PPP4R2: variants seen among roughly 807,000 people sequenced by gnomAD.
PPP4R2 encodes the protein serine/threonine-protein phosphatase 4 regulatory subunit 2.
In PPP4R2, 13 loss-of-function variants were observed where a neutral mutation model predicts 47.2. The observed-to-expected ratio is 0.28, with a 90% confidence interval of 0.18 to 0.44. The LOEUF (loss-of-function observed/expected upper bound fraction) is 0.44, where lower values mean the gene tolerates loss of function less well. Among genes scored for constraint, PPP4R2 ranks in the 20% least tolerant of loss-of-function variants. PPP4R2 has a pLI of 1.00. For missense variants in PPP4R2, 421 were observed against 491.2 expected, an observed-to-expected ratio of 0.86 and a Z score of 1.35; for synonymous variants, 151 against 163.3, an observed-to-expected ratio of 0.92 and a Z score of 0.57.
Position 73,067,740 on chromosome 3 carries a change from T to C in PPP4R2, c.*2018T>C, listed in dbSNP as rs1381495547. 6.6e-6 allele frequency: 1 copy of C among 152,200 alleles called. No individual in the cohort carries two copies. The highest frequency in any genetic ancestry group is 1.5e-5 in the Non-Finnish European group (1 of 68,008). The allele number at this position is 152,200 out of a possible 1,614,324, so 9.4% of individuals were successfully genotyped here. A position where few individuals can be genotyped will look rare whatever the true frequency, so the allele number is the denominator to read the frequency against. On this transcript the variant is annotated 3_prime_UTR_variant, in exon 9 of 9. Transcript: ENST00000356692. Reference sequence around the variant, plus strand: ...AAACAAATTGATTTACTTTTGTTGGTTGTAAGTTGAAGATTTAGCATTATG... The same window carrying C: ...AAACAAATTGATTTACTTTTGTTGGCTGTAAGTTGAAGATTTAGCATTATG...
chr3:73,032,097 T>A lies in PPP4R2; in HGVS notation c.117-15089T>A, dbSNP rs9682069. ...ACCACCTGACTCTTTTTAAATTGAT[T>A]TTTTTTATTATTTAGTTTTTACTTT... On this transcript the variant is annotated intron_variant, in intron 2 of 8. Coordinates refer to ENST00000356692, the MANE Select transcript of PPP4R2 (RefSeq NM_174907.4). 5.2e-3 allele frequency among the ~76,000 whole-genome samples: 787 copies of A among 152,248 alleles called. 7 individuals carry two copies. Among genetic ancestry groups the A allele is most frequent in the African/African-American group, 0.018 (758 of 41,550 alleles).
chr3:73,037,448 G>A (rs1232357579), intron 2 of PPP4R2, among the ~76,000 whole-genome samples: 1 of 152,060 alleles, frequency 6.6e-6, no homozygotes, highest in Non-Finnish European at 1.5e-5. Flanking sequence ...ATTGTGTATT[G>A]CAGTGTTCTC....
chr3:73,039,908 G>T (rs964286339), intron 2 of PPP4R2, among the ~76,000 whole-genome samples: 1 of 152,134 alleles, frequency 6.6e-6, no homozygotes, highest in South Asian at 2.1e-4. Context: ...ACAAAAATTA[G>T]CCAGGCATGG....
chr3:73,025,490 G>A (rs544127481), intron 2 of PPP4R2, among the ~76,000 whole-genome samples: 3 of 152,160 alleles, frequency 2.0e-5, no homozygotes, highest in Non-Finnish European at 2.9e-5. Flanking sequence ...AAAAAAAGAC[G>A]TAGAACTGGT....
chr3:72,997,260 G>T (rs1559542515), intron 1 of PPP4R2, 189 bp downstream of exon 1: 3 of 430,180 alleles, frequency 7.0e-6, no homozygotes, highest in Non-Finnish European at 1.2e-5. Context: ...CCCCGCTCTG[G>T]CTTTGTGTCG....
rs989041018 is a variant in PPP4R2 at position 73,066,484 on chromosome 3, CT to C, written c.*766del. The C allele has an allele frequency of 3.3e-5, 5 of 151,870 alleles. No homozygotes were observed. Among genetic ancestry groups the C allele is most frequent in the Admixed American group, 6.6e-5 (1 of 15,234 alleles). The allele number at this position is 151,870 out of a possible 1,614,324, so 9.4% of individuals were successfully genotyped here. On this transcript the variant is annotated 3_prime_UTR_variant, in exon 9 of 9. Transcript: ENST00000356692. The stretch of plus-strand genomic sequence containing the variant: ...CAAGAGATCTGTTCAAACTCAAATT[CT>C]TTTGTATACTTCTGAGGTGCCTGAG...
intron 2 of PPP4R2, among the ~76,000 whole-genome samples, chr3:73,010,164 A>G (rs970594117): frequency 3.3e-5 from 5 of 152,226 alleles, no homozygotes; most frequent in Non-Finnish European, 5.9e-5. Flanking sequence ...AAAATGTGGC[A>G]TGGAAGTAGG....
intron 2 of PPP4R2, among the ~76,000 whole-genome samples, chr3:73,027,442 C>G (rs1422631421): frequency 6.6e-6 from 1 of 152,210 alleles, no homozygotes; most frequent in African/African-American, 2.4e-5. Context: ...TATTAATTGC[C>G]AAAGCAGTTC....
intron 3 of PPP4R2, among the ~76,000 whole-genome samples, chr3:73,056,905 G>T (rs190792990): frequency 1.3e-5 from 2 of 152,288 alleles, no homozygotes; most frequent in African/African-American, 4.8e-5. Flanking sequence ...AAGAATTTTA[G>T]TAGGAAGAAA....
intron 2 of PPP4R2, among the ~76,000 whole-genome samples, chr3:73,023,806 A>G (rs377259080): frequency 6.6e-6 from 1 of 152,172 alleles, no homozygotes; most frequent in African/African-American, 2.4e-5. Context: ...ATGAAAGTAT[A>G]CTTGAGCAAA....
At chr3:73,010,028 A>G (rs1701690203) in intron 2 of PPP4R2, among the ~76,000 whole-genome samples, 1 of 152,150 alleles carries the variant, frequency 6.6e-6, no homozygotes, top group Non-Finnish European at 1.5e-5. Context: ...TGGGTAACCT[A>G]TTACCTGAAT....
intron 2 of PPP4R2, among the ~76,000 whole-genome samples, chr3:73,037,266 T>C (rs1702282140): frequency 6.6e-6 from 1 of 152,230 alleles, no homozygotes; most frequent in Non-Finnish European, 1.5e-5. Flanking sequence ...AAATGAATCA[T>C]CTGTATATTA....
intron 2 of PPP4R2, among the ~76,000 whole-genome samples, chr3:73,022,896 T>A (rs1010693113): frequency 1.3e-5 from 2 of 151,974 alleles, no homozygotes; most frequent in African/African-American, 4.8e-5. Flanking sequence ...GAAGAGACAT[T>A]CACTCTTGAA....
In PPP4R2 at chr3:73,068,990, C is replaced by G. The variant is rs1257526152; in HGVS notation, c.*3268C>G. 1 of 152,048 alleles carries G rather than the reference C, an allele frequency of 6.6e-6. No individual in the cohort carries two copies. The highest frequency in any genetic ancestry group is 2.4e-5 in the African/African-American group (1 of 41,384). 9.4% of individuals were successfully genotyped at this position (152,048 alleles called of 1,614,324 possible). A position where few individuals can be genotyped will look rare whatever the true frequency, so the allele number is the denominator to read the frequency against. ...CATAAAATGAATGAATGCAAAACACCTTGTAATTTCATATGGAATTATAAA... is the reference window on the plus strand; with the variant it reads ...CATAAAATGAATGAATGCAAAACACGTTGTAATTTCATATGGAATTATAAA... On this transcript the variant is annotated 3_prime_UTR_variant, in exon 9 of 9. Transcript: ENST00000356692.
intron 2 of PPP4R2, among the ~76,000 whole-genome samples, chr3:73,004,970 TG>T (rs1701573050): frequency 6.6e-6 from 1 of 150,402 alleles, no homozygotes; most frequent in Non-Finnish European, 1.5e-5. Context: ...TGTGTGTGTG[TG>T]TGTGTGTGTG....
intron 2 of PPP4R2, among the ~76,000 whole-genome samples, chr3:73,039,740 GAATT>G (rs1383775567): frequency 1.3e-5 from 2 of 152,118 alleles, no homozygotes; most frequent in Non-Finnish European, 2.9e-5. Context: ...CTGTGACAAA[GAATT>G]CTATCCAACT....
intron 2 of PPP4R2, among the ~76,000 whole-genome samples, chr3:73,019,534 C>T (rs540545275): frequency 7.9e-5 from 12 of 152,166 alleles, no homozygotes; most frequent in African/African-American, 2.6e-4. Context: ...CCACCACACC[C>T]GGCTAATTTT....
At chr3:73,018,076 T>C (rs1360420016) in intron 2 of PPP4R2, among the ~76,000 whole-genome samples, 1 of 152,198 alleles carries the variant, frequency 6.6e-6, no homozygotes, top group East Asian at 1.9e-4. Context: ...ATGGTCACTC[T>C]ATTTTGTTTC....
rs1336011436 is a variant in PPP4R2, at chr3:73,066,817, C to A, written c.*1095C>A. 1 of 152,018 alleles carries A rather than the reference C, an allele frequency of 6.6e-6. No individual in the cohort carries two copies. The highest frequency in any genetic ancestry group is 1.5e-5 in the Non-Finnish European group (1 of 67,938). 9.4% of individuals were successfully genotyped at this position (152,018 alleles called of 1,614,324 possible). On this transcript the variant is annotated 3_prime_UTR_variant, in exon 9 of 9. Coordinates refer to ENST00000356692, the MANE Select transcript of PPP4R2 (RefSeq NM_174907.4). ...AAGCTTTAGGGGTGCATAGAAACCA[C>A]CATAATTTGTATGACATTTTGAAGT...
Sources: gnomAD v4.1 joint callset for allele counts (sites outside exome capture counted in the v4.1 genomes callset) on GRCh38, gnomAD v4.1.1 for gene constraint, MANE v1.5 for transcripts, NCBI Gene and HGNC (gene_info 2026-07-23, HGNC 2026-07-21) for gene names.